The following RBM47 variants were observed in gnomAD, a reference collection of about 807,000 sequenced individuals.
The protein encoded by RBM47 is RNA binding motif protein 47, also known as RNA-binding protein 47.
RBM47 carries 21 observed loss-of-function variants against 47.1 expected under a neutral mutation model. The ratio of observed to expected loss-of-function variants is 0.45; its 90% CI spans 0.32 to 0.64. The LOEUF is 0.64. Among genes scored for constraint, RBM47 ranks in the 30% least tolerant of loss-of-function variants. The pLI, the probability that RBM47 is intolerant of heterozygous loss-of-function variation, is 0.05. For missense variants in RBM47, 708 were observed against 870.9 expected, an observed-to-expected ratio of 0.81 and a Z score of 2.35; for synonymous variants, 375 against 361.7, an observed-to-expected ratio of 1.04 and a Z score of -0.42.
At chr4:40,563,608 C>G (rs1730834986) in intron 1 of RBM47, among the ~76,000 whole-genome samples, 1 of 152,188 alleles carries the variant, frequency 6.6e-6, no homozygotes. Context: ...GAAGGCCTTT[C>G]CCACTGCACA....
At chr4:40,509,456 G>A (rs1724569399) in intron 2 of RBM47, among the ~76,000 whole-genome samples, 1 of 152,048 alleles carries the variant, frequency 6.6e-6, no homozygotes, top group African/African-American at 2.4e-5. Flanking sequence ...TTACATGTTG[G>A]TGACCTGTAT....
intron 1 of RBM47, among the ~76,000 whole-genome samples, chr4:40,596,492 C>T (rs796338277): frequency 5.9e-5 from 9 of 152,186 alleles, no homozygotes; most frequent in Middle Eastern, 3.4e-3. Context: ...AAGGGTCAGA[C>T]GGGAAAAATT....
At chr4:40,467,157 T>C (rs1341703620) in intron 2 of RBM47, among the ~76,000 whole-genome samples, 1 of 152,140 alleles carries the variant, frequency 6.6e-6, no homozygotes, top group Non-Finnish European at 1.5e-5. Context: ...ACATCACTAA[T>C]AGATCTTCAA....
intron 1 of RBM47, among the ~76,000 whole-genome samples, chr4:40,624,585 G>A (rs1737557964): frequency 6.6e-6 from 1 of 152,128 alleles, no homozygotes; most frequent in Admixed American, 6.6e-5. Flanking sequence ...TAGATCATAG[G>A]TATTAACTGG....
At chr4:40,602,645 TAAA>T (rs535210913) in intron 1 of RBM47, among the ~76,000 whole-genome samples, 2 of 122,832 alleles carry the variant, frequency 1.6e-5, no homozygotes. Context: ...AGAATCCGTT[TAAA>T]AAAAAAAAAA....
chr4:40,578,527 T>C (rs893080695), intron 1 of RBM47, among the ~76,000 whole-genome samples: 2 of 152,242 alleles, frequency 1.3e-5, no homozygotes, highest in African/African-American at 4.8e-5. Flanking sequence ...ATGGCCTCCC[T>C]CTGCCTCCAT....
chr4:40,559,074 T>A (rs1189729373), intron 1 of RBM47, among the ~76,000 whole-genome samples: 2 of 152,198 alleles, frequency 1.3e-5, no homozygotes, highest in African/African-American at 4.8e-5. Flanking sequence ...GATCCAGCCT[T>A]TATTTTATCC....
chr4:40,588,094 G>T (rs572299191), intron 1 of RBM47, among the ~76,000 whole-genome samples: 2 of 152,228 alleles, frequency 1.3e-5, no homozygotes, highest in Non-Finnish European at 2.9e-5. Flanking sequence ...AAGCCACGAG[G>T]TGTACTGGGG....
rs73145548 is a variant in RBM47, at chr4:40,484,784, T to G, written c.-154-18085A>C. Among the ~76,000 whole-genome samples, 991 of 152,322 alleles carry G rather than the reference T, an allele frequency of 6.5e-3. 14 individuals are homozygous for G. The highest frequency in any genetic ancestry group is 0.022 in the African/African-American group (916 of 41,584). On this transcript the variant is annotated intron_variant, in intron 2 of 6. Coordinates refer to ENST00000295971, the MANE Select transcript of RBM47 (RefSeq NM_001098634.2). ...AGAATCACCTTCCTCCAAAAGGATT[T>G]TTTTTATCCAGGTATCTATCTTTCT...
At chr4:40,608,499 A>G (rs1253378225) in intron 1 of RBM47, among the ~76,000 whole-genome samples, 1 of 152,246 alleles carries the variant, frequency 6.6e-6, no homozygotes, top group East Asian at 1.9e-4. Flanking sequence ...CCTGGTAGCA[A>G]AGAAACAACT....
At chr4:40,533,063 A>AAGGTT (rs1727568206) in intron 2 of RBM47, among the ~76,000 whole-genome samples, 1 of 152,208 alleles carries the variant, frequency 6.6e-6, no homozygotes, top group African/African-American at 2.4e-5. Context: ...TAGGAGCCAA[A>AAGGTT]AGGTTTTCAA....
intron 2 of RBM47, among the ~76,000 whole-genome samples, chr4:40,530,611 C>T (rs1046852838): frequency 1.3e-5 from 2 of 152,308 alleles, no homozygotes; most frequent in East Asian, 3.9e-4. Flanking sequence ...TATTTTTCTT[C>T]TTTTTAATCT....
intron 2 of RBM47, among the ~76,000 whole-genome samples, chr4:40,501,494 G>A (rs998424940): frequency 5.9e-5 from 9 of 152,330 alleles, no homozygotes; most frequent in African/African-American, 9.6e-5. Context: ...AACACTCTGC[G>A]TCTGCACCGT....
At chr4:40,572,602 TTAA>T (rs1433476285) in intron 1 of RBM47, among the ~76,000 whole-genome samples, 1 of 151,388 alleles carries the variant, frequency 6.6e-6, no homozygotes, top group Non-Finnish European at 1.5e-5. Flanking sequence ...AAACAACAAC[TTAA>T]TAATGAAAGT....
chr4:40,535,371 C>CTTTTT (rs1177127352), intron 2 of RBM47, among the ~76,000 whole-genome samples: 1,260 of 103,436 alleles, frequency 0.012, 103 homozygotes, highest in African/African-American at 0.051. Context: ...TATGGTATTT[C>CTTTTT]TTTTTTTTTT....
At chr4:40,573,807 A>AAAGAAAGAAAGAAAGAAAAGAAAG (rs148001440) in intron 1 of RBM47, among the ~76,000 whole-genome samples, 1 of 136,662 alleles carries the variant, frequency 7.3e-6, no homozygotes, top group Non-Finnish European at 1.5e-5. Flanking sequence ...GAAAGAAAGA[A>AAAGAAAGAAAGAAAGAAAAGAAAG]AAAGAAAGAA....
At chr4:40,618,430 A>C (rs1736939830) in intron 1 of RBM47, among the ~76,000 whole-genome samples, 1 of 152,096 alleles carries the variant, frequency 6.6e-6, no homozygotes, top group African/African-American at 2.4e-5. Flanking sequence ...TCTAAAAATA[A>C]AATAAAATAA....
intron 3 of RBM47, among the ~76,000 whole-genome samples, chr4:40,466,180 A>C (rs1212538615): frequency 6.9e-6 from 1 of 144,350 alleles, no homozygotes; most frequent in African/African-American, 2.6e-5. Flanking sequence ...AGTCACGAGA[A>C]TTGCTTGAAC....
In RBM47 at chr4:40,486,069, C is replaced by CAAAAAAA. The variant is rs201408070; in HGVS notation, c.-154-19377_-154-19371dup. On this transcript the variant is annotated intron_variant, in intron 2 of 6. Coordinates refer to ENST00000295971, the MANE Select transcript of RBM47 (RefSeq NM_001098634.2). ...TGGACAACAGAGCAAAACCCTGTTT[C>CAAAAAAA]AAAAAAAAAAAAAAAAAAAAAAAAA... Among the ~76,000 whole-genome samples, 196 of 62,794 alleles carry CAAAAAAA rather than the reference C, an allele frequency of 3.1e-3. 7 individuals are homozygous for CAAAAAAA. The highest frequency in any genetic ancestry group is 5.7e-3 in the East Asian group (13 of 2,278). The allele number at this position is 62,794 out of a possible 152,430, so 41.2% of individuals were successfully genotyped here.
Sources: allele counts gnomAD v4.1 joint callset (sites outside exome capture counted in the v4.1 genomes callset), GRCh38; gene constraint gnomAD v4.1.1; transcripts MANE v1.5; gene names NCBI Gene and HGNC (gene_info 2026-07-23, HGNC 2026-07-21).